Variants in GDAP1 observed in about 807,000 individuals in gnomAD.
The protein encoded by GDAP1 is ganglioside induced differentiation associated protein 1, also known as ganglioside-induced differentiation-associated protein 1.
In GDAP1, 34 loss-of-function variants were observed where a neutral mutation model predicts 40.1. The observed-to-expected ratio is 0.85, with a 90% CI of 0.64 to 1.13. The LOEUF (loss-of-function observed/expected upper bound fraction) is 1.13. Among genes scored for constraint, GDAP1 ranks in the 50% most tolerant of loss-of-function variants. The pLI is 0.00. For synonymous variants in GDAP1, 170 were observed against 157.4 expected (o/e 1.08, Z -0.60); for missense variants, 374 against 433.7 (o/e 0.86, Z 1.22).
intron 2 of GDAP1, among the ~76,000 whole-genome samples, chr8:74,404,702 G>A (rs138092020): frequency 2.7e-5 from 4 of 149,784 alleles, no homozygotes; most frequent in Admixed American, 1.3e-4. Context: ...TAGGGAGACC[G>A]TTCTCTTTCC....
At chr8:74,431,470 C>CTTAT (rs147759233) in intron 2 of GDAP1, among the ~76,000 whole-genome samples, 61,620 of 149,412 alleles carry the variant, frequency 0.41, 13,272 homozygotes, top group Non-Finnish European at 0.46. Context: ...AAAATTCTTT[C>CTTAT]TTATTTATTT....
chr8:74,388,803 G>T (rs1026263470), intron 2 of GDAP1, among the ~76,000 whole-genome samples: 10 of 152,170 alleles, frequency 6.6e-5, no homozygotes, highest in Admixed American at 6.5e-5. Flanking sequence ...TTATTATTGT[G>T]TGGGAGTCTT....
In GDAP1 at chr8:74,360,286, G is replaced by C; in HGVS notation, c.460G>C (p.Ala154Pro). Residue 154 changes from alanine (A) to proline (P), a missense_variant, in exon 3 of 6, where the codon GCT becomes CCT. Physicochemically the swap from Ala to Pro is conservative, Grantham distance 27. Transcript: ENST00000220822. ...PELTVDSMIP[A>P]YATTRIRSQI... ...GTTAACTGTGGACTCCATGATCCCG[G>C]CTTATGCAACTACAAGGATTCGTAG... The C allele has an allele frequency of 6.2e-7, 1 of 1,613,948 alleles. No homozygotes were observed. The highest frequency in any genetic ancestry group is 1.1e-5 in the South Asian group (1 of 91,080).
At chr8:74,440,622 A>C (rs1806151663) in intron 2 of GDAP1, among the ~76,000 whole-genome samples, 1 of 148,224 alleles carries the variant, frequency 6.7e-6, no homozygotes, top group Admixed American at 6.7e-5. Flanking sequence ...TTTTTTCGTA[A>C]TGAGTTAGGG....
chr8:74,392,566 A>G (rs1418208454), intron 2 of GDAP1, among the ~76,000 whole-genome samples: 2 of 152,200 alleles, frequency 1.3e-5, no homozygotes. Flanking sequence ...ACCACATATT[A>G]TATACTAGTG....
chr8:74,458,203 C>T (rs980864932), intron 2 of GDAP1, among the ~76,000 whole-genome samples: 3 of 151,918 alleles, frequency 2.0e-5, no homozygotes, highest in Non-Finnish European at 2.9e-5. Context: ...AATACCTATA[C>T]TTTAGCAGTT....
intron 2 of GDAP1, among the ~76,000 whole-genome samples, chr8:74,412,762 G>T (rs1805729852): frequency 6.7e-6 from 1 of 149,686 alleles, no homozygotes; most frequent in African/African-American, 2.6e-5. Context: ...GTGATTTAAA[G>T]ATTTCTGAAG....
At position 74,360,169 on chromosome 8, in the gene GDAP1, A is replaced by G; in HGVS notation, c.343A>G (p.Ser115Gly). ...ACCCAGGTTAATGCCTGATAAAGAA[A>G]GCATGTATTACCCACGGGTACAACA... ...RTPRLMPDKESMYYPRVQHYR... is the reference protein window; with the variant it reads ...RTPRLMPDKEGMYYPRVQHYR... Residue 115 changes from serine to glycine, a missense_variant, in exon 3 of 6, where the codon AGC becomes GGC. Transcript: ENST00000220822. The G allele has an allele frequency of 6.2e-7, 1 of 1,613,606 alleles. No individual in the cohort carries two copies. The highest frequency in any genetic ancestry group is 1.3e-5 in the African/African-American group (1 of 75,046).
At chr8:74,363,500 A>C (rs1396914351) in intron 5 of GDAP1, among the ~76,000 whole-genome samples, 2 of 152,208 alleles carry the variant, frequency 1.3e-5, no homozygotes, top group Admixed American at 6.5e-5. Context: ...GTGTATACAC[A>C]TGGGCCATTT....
Position 74,400,121 on chromosome 8 carries a change from C to T in GDAP1, c.165+48800C>T, listed in dbSNP as rs542512847. On this transcript the variant is annotated intron_variant, in intron 2 of 2. Coordinates refer to the GDAP1 transcript ENST00000523640. Reference sequence around the variant, plus strand: ...GGGTATCCTTGTTGACTTGCTGTCTCGTTGATCTGTCTAATGTTGACCGTG... The same window carrying T: ...GGGTATCCTTGTTGACTTGCTGTCTTGTTGATCTGTCTAATGTTGACCGTG... Among the ~76,000 whole-genome samples the T allele has an allele frequency of 1.1e-3, 163 of 149,260 alleles. 1 individual carries two copies. Among genetic ancestry groups the T allele is most frequent in the Non-Finnish European group, 2.1e-3 (140 of 67,994 alleles).
chr8:74,427,194 G>A (rs1489804731), intron 2 of GDAP1, among the ~76,000 whole-genome samples: 1 of 152,178 alleles, frequency 6.6e-6, no homozygotes, highest in Non-Finnish European at 1.5e-5. Flanking sequence ...CCAGCTGACA[G>A]CCAGAATCAA....
intron 2 of GDAP1, among the ~76,000 whole-genome samples, chr8:74,356,032 T>C (rs1809076328): frequency 6.6e-6 from 1 of 152,126 alleles, no homozygotes; most frequent in African/African-American, 2.4e-5. Flanking sequence ...ATATTAAAAA[T>C]AGTTATTTAA....
chr8:74,362,522 A>G (rs6995431), intron 4 of GDAP1, among the ~76,000 whole-genome samples: 44,837 of 152,062 alleles, frequency 0.29, 6,866 homozygotes, highest in Non-Finnish European at 0.34. Flanking sequence ...CTGCACTCAC[A>G]GTCACTTGAC....
chr8:74,374,849 A>C (rs78981075), intron 2 of GDAP1, among the ~76,000 whole-genome samples: 1,696 of 152,322 alleles, frequency 0.011, 12 homozygotes, highest in South Asian at 0.02. Flanking sequence ...AATTTGTAAT[A>C]AAAAATAACC....
At chr8:74,450,151 A>G (rs1216066839) in intron 2 of GDAP1, among the ~76,000 whole-genome samples, 3 of 151,030 alleles carry the variant, frequency 2.0e-5, no homozygotes, top group African/African-American at 7.3e-5. Context: ...GTTTAAATAT[A>G]TATTTTATTA....
chr8:74,485,546 A>G (rs968231213), intron 2 of GDAP1, among the ~76,000 whole-genome samples: 1 of 152,182 alleles, frequency 6.6e-6, no homozygotes, highest in Admixed American at 6.6e-5. Flanking sequence ...GCAATACAAG[A>G]TCCGATATAA....
At chr8:74,361,771 A>T in intron 3 of GDAP1, 113 bp from the exon 4 acceptor site, 1 of 726,426 alleles carries the variant, frequency 1.4e-6, no homozygotes, top group Non-Finnish European at 2.5e-6. Context: ...GCAGAGAAGC[A>T]GGGCATGAGC....
chr8:74,456,452 A>G (rs2131578173), intron 2 of GDAP1, among the ~76,000 whole-genome samples: 1 of 152,050 alleles, frequency 6.6e-6, no homozygotes, highest in East Asian at 1.9e-4. Flanking sequence ...AGTGTGGTTC[A>G]GAGTAAATAA....
intron 2 of GDAP1, among the ~76,000 whole-genome samples, chr8:74,433,924 A>G (rs1432940145): frequency 6.6e-6 from 1 of 152,214 alleles, no homozygotes; most frequent in East Asian, 1.9e-4. Context: ...ACACTGGAGA[A>G]CTGTGCAGTC....
Sources: allele counts gnomAD v4.1 joint callset (sites outside exome capture counted in the v4.1 genomes callset), GRCh38; gene constraint gnomAD v4.1.1; transcripts MANE v1.5; gene names NCBI Gene and HGNC (gene_info 2026-07-23, HGNC 2026-07-21).